IMMP2L: variants seen among roughly 807,000 people sequenced by gnomAD.
The protein encoded by IMMP2L is mitochondrial inner membrane protease subunit 2.
IMMP2L carries 18 observed loss-of-function variants against 19.3 expected under a neutral mutation model. That is an observed-to-expected ratio of 0.93 (90% confidence interval 0.64 to 1.38). The LOEUF (loss-of-function observed/expected upper bound fraction) is 1.38. Ranked by LOEUF, IMMP2L falls within the 40% of genes most tolerant of loss-of-function variation. IMMP2L has a pLI of 0.00. For missense variants in IMMP2L, 233 were observed against 218.2 expected, an observed-to-expected ratio of 1.07 and a Z score of -0.43; for synonymous variants, 76 against 73.0, an observed-to-expected ratio of 1.04 and a Z score of -0.21.
At chr7:110,666,861 T>C (rs369476061) in intron 5 of IMMP2L, among the ~76,000 whole-genome samples, 3 of 152,198 alleles carry the variant, frequency 2.0e-5, no homozygotes, top group East Asian at 1.9e-4. Flanking sequence ...AATTAAGATG[T>C]CTGTGTAATT....
chr7:111,189,963 T>C (rs1220212649), intron 3 of IMMP2L, among the ~76,000 whole-genome samples: 4 of 152,152 alleles, frequency 2.6e-5, no homozygotes, highest in Middle Eastern at 6.3e-3. Flanking sequence ...CTGAGTGTAT[T>C]TGGAGAAAGT....
intron 3 of IMMP2L, among the ~76,000 whole-genome samples, chr7:110,967,459 T>A (rs138271135): frequency 4.6e-5 from 7 of 152,110 alleles, no homozygotes; most frequent in African/African-American, 7.2e-5. Context: ...CATTCTCTTC[T>A]CCCATTTATG....
chr7:111,090,370 T>TA (rs553218887), intron 3 of IMMP2L, among the ~76,000 whole-genome samples: 42 of 152,064 alleles, frequency 2.8e-4, no homozygotes, highest in African/African-American at 9.2e-4. Flanking sequence ...CCCAGAGTGG[T>TA]AAAAAATACA....
At chr7:110,740,843 T>C (rs1390525429) in intron 5 of IMMP2L, among the ~76,000 whole-genome samples, 1 of 151,950 alleles carries the variant, frequency 6.6e-6, no homozygotes, top group Non-Finnish European at 1.5e-5. Flanking sequence ...TAGAAAATAG[T>C]GTGGTGATTC....
intron 3 of IMMP2L, among the ~76,000 whole-genome samples, chr7:110,969,748 G>C (rs145962296): frequency 6.6e-6 from 1 of 152,146 alleles, no homozygotes; most frequent in Non-Finnish European, 1.5e-5. Flanking sequence ...AATAAGAAAG[G>C]TATGGTTTAT....
chr7:110,848,263 C>T (rs898845152), intron 5 of IMMP2L, among the ~76,000 whole-genome samples: 6 of 152,112 alleles, frequency 3.9e-5, no homozygotes, highest in African/African-American at 1.4e-4. Flanking sequence ...GAACAGACAA[C>T]TCACCAAAGA....
chr7:111,345,929 A>C (rs1827494743), intron 3 of IMMP2L, among the ~76,000 whole-genome samples: 2 of 152,156 alleles, frequency 1.3e-5, no homozygotes, highest in South Asian at 4.1e-4. Flanking sequence ...CCACATCTCC[A>C]CAAATACTTG....
intron 3 of IMMP2L, among the ~76,000 whole-genome samples, chr7:111,373,200 C>T (rs1311241317): frequency 6.7e-6 from 1 of 148,894 alleles, no homozygotes; most frequent in East Asian, 2.0e-4. Context: ...TTAAATTTAA[C>T]TGAAAATATA....
chr7:111,293,865 G>A (rs966851357), intron 3 of IMMP2L, among the ~76,000 whole-genome samples: 9 of 151,860 alleles, frequency 5.9e-5, no homozygotes, highest in Non-Finnish European at 1.0e-4. Flanking sequence ...AATTAAGAAT[G>A]ATACTCAGGA....
At chr7:111,190,724 T>G (rs964501) in intron 3 of IMMP2L, among the ~76,000 whole-genome samples, 140,115 of 152,160 alleles carry the variant, frequency 0.92, 64,657 homozygotes, top group Non-Finnish European at 0.95. Context: ...TCACTGACAT[T>G]ACATGAGTAT....
chr7:111,459,967 A>G (rs148333401), intron 3 of IMMP2L, among the ~76,000 whole-genome samples: 4 of 152,316 alleles, frequency 2.6e-5, no homozygotes, highest in African/African-American at 9.6e-5. Context: ...GAATAAAGTT[A>G]TCTTAGATTT....
chr7:111,021,285 T>A (rs567827170), intron 3 of IMMP2L, among the ~76,000 whole-genome samples: 1 of 152,326 alleles, frequency 6.6e-6, no homozygotes, highest in East Asian at 1.9e-4. Context: ...TCTCTTCTAT[T>A]TAGCAAATAT....
chr7:110,992,199 T>C (rs918201376), intron 3 of IMMP2L, among the ~76,000 whole-genome samples: 69 of 152,268 alleles, frequency 4.5e-4, no homozygotes, highest in African/African-American at 1.6e-3. Flanking sequence ...CCCAGCGTAA[T>C]GCATTATATA....
intron 5 of IMMP2L, among the ~76,000 whole-genome samples, chr7:110,874,109 T>C (rs114399214): frequency 6.6e-6 from 1 of 152,176 alleles, no homozygotes; most frequent in Non-Finnish European, 1.5e-5. Context: ...GTGATGTTTT[T>C]GGCTGGCTTT....
At chr7:111,022,689 T>C (rs1050890505) in intron 3 of IMMP2L, among the ~76,000 whole-genome samples, 1 of 152,186 alleles carries the variant, frequency 6.6e-6, no homozygotes, top group Non-Finnish European at 1.5e-5. Context: ...AAGGATGATC[T>C]ATATCCTATA....
At chr7:110,983,288 A>G (rs754589334) in intron 3 of IMMP2L, among the ~76,000 whole-genome samples, 5 of 152,080 alleles carry the variant, frequency 3.3e-5, no homozygotes, top group Non-Finnish European at 2.9e-5. Flanking sequence ...TTTCAAGGTA[A>G]CATGGATATA....
chr7:110,861,098 T>TGAGAGA (rs5886583), intron 5 of IMMP2L, among the ~76,000 whole-genome samples: 20 of 141,708 alleles, frequency 1.4e-4, no homozygotes, highest in East Asian at 4.2e-4. Context: ...TGTGTGTGTG[T>TGAGAGA]GAGAGAGAGA....
chr7:110,952,960 G>T (rs1817984501), intron 4 of IMMP2L, among the ~76,000 whole-genome samples: 1 of 151,974 alleles, frequency 6.6e-6, no homozygotes. Context: ...CTTGGTGTAT[G>T]CTACTGCTAG....
In IMMP2L at chr7:111,005,168, C is replaced by G. The variant is rs141470755; in HGVS notation, c.240-41603G>C. Among the ~76,000 whole-genome samples, 399 of 152,196 alleles carry G rather than the reference C, an allele frequency of 2.6e-3. 1 individual carries two copies. Among genetic ancestry groups the G allele is most frequent in the African/African-American group, 9.2e-3 (383 of 41,526 alleles). On this transcript the variant is annotated intron_variant, in intron 3 of 5. Coordinates refer to ENST00000405709, the MANE Select transcript of IMMP2L (RefSeq NM_032549.4). Reference sequence around the variant, plus strand: ...CTTCAGTGGTTCACTCTGTTGGTTTCCAAGATGGTGGTTCGATTAAGATTC... The same window carrying G: ...CTTCAGTGGTTCACTCTGTTGGTTTGCAAGATGGTGGTTCGATTAAGATTC...
Sources: gnomAD v4.1 joint callset for allele counts (sites outside exome capture counted in the v4.1 genomes callset) on GRCh38, gnomAD v4.1.1 for gene constraint, MANE v1.5 for transcripts, NCBI Gene and HGNC (gene_info 2026-07-23, HGNC 2026-07-21) for gene names.